Variants in MACROD2 observed in about 807,000 individuals in gnomAD.
MACROD2 encodes the protein mono-ADP ribosylhydrolase 2, also known as ADP-ribose glycohydrolase MACROD2.
In MACROD2, 36 loss-of-function variants were observed where a neutral mutation model predicts 70.4. That is an observed-to-expected ratio of 0.51 (90% CI 0.39 to 0.68). The LOEUF is 0.68. Ranked by LOEUF, MACROD2 falls within the 30% of genes least tolerant of loss-of-function variation. MACROD2 has a pLI of 0.00. For synonymous variants in MACROD2, 172 were observed against 178.8 expected (o/e 0.96, Z 0.30); for missense variants, 496 against 538.4 (o/e 0.92, Z 0.78).
intron 5 of MACROD2, among the ~76,000 whole-genome samples, chr20:15,048,028 C>G (rs1178206624): frequency 6.6e-6 from 1 of 152,110 alleles, no homozygotes; most frequent in African/African-American, 2.4e-5. Context: ...CTTTAAGAAG[C>G]CGAGGCAGGC....
chr20:14,147,204 A>G (rs2054953865), intron 3 of MACROD2, among the ~76,000 whole-genome samples: 1 of 152,162 alleles, frequency 6.6e-6, no homozygotes, highest in Non-Finnish European at 1.5e-5. Flanking sequence ...AGATGAGCAA[A>G]CTGAAGTTCA....
chr20:14,878,872 G>A (rs1300975448), intron 5 of MACROD2, among the ~76,000 whole-genome samples: 3 of 152,016 alleles, frequency 2.0e-5, no homozygotes, highest in Admixed American at 2.0e-4. Context: ...TGTTGCCCAG[G>A]CTTTCTTATC....
intron 6 of MACROD2, among the ~76,000 whole-genome samples, chr20:15,268,609 C>T (rs550558638): frequency 1.1e-4 from 17 of 152,256 alleles, no homozygotes; most frequent in Admixed American, 9.2e-4. Flanking sequence ...GCTGAGATTG[C>T]GCCACTGCAC....
chr20:15,715,226 T>C (rs1462946578), intron 8 of MACROD2, among the ~76,000 whole-genome samples: 1 of 149,884 alleles, frequency 6.7e-6, no homozygotes, highest in African/African-American at 2.4e-5. Flanking sequence ...TTTAGTGTGA[T>C]TAAAAAAAAA....
intron 3 of MACROD2, among the ~76,000 whole-genome samples, chr20:14,449,435 C>T (rs923756504): frequency 4.6e-5 from 7 of 152,022 alleles, no homozygotes; most frequent in Non-Finnish European, 7.4e-5. Flanking sequence ...TGAGTACTAT[C>T]CCATGTTAGA....
intron 3 of MACROD2, among the ~76,000 whole-genome samples, chr20:14,489,985 C>T (rs147839700): frequency 2.6e-4 from 39 of 152,004 alleles, no homozygotes; most frequent in African/African-American, 7.0e-4. Context: ...CTCAGCCTCC[C>T]GGCTCATGGT....
At chr20:15,797,101 T>A (rs141796425) in intron 8 of MACROD2, among the ~76,000 whole-genome samples, 1 of 151,982 alleles carries the variant, frequency 6.6e-6, no homozygotes, top group Non-Finnish European at 1.5e-5. Flanking sequence ...AGGGTTCTTT[T>A]TTTGTTTGTT....
chr20:14,482,357 A>G (rs766850513), intron 3 of MACROD2, among the ~76,000 whole-genome samples: 10 of 151,294 alleles, frequency 6.6e-5, no homozygotes, highest in African/African-American at 1.5e-4. Flanking sequence ...GTCTTCATAT[A>G]CTACAGTAGT....
At chr20:14,319,732 C>A (rs143960121) in intron 3 of MACROD2, among the ~76,000 whole-genome samples, 3 of 152,096 alleles carry the variant, frequency 2.0e-5, no homozygotes. Context: ...TTCCTTGACT[C>A]CATAATATTT....
chr20:14,837,858 G>A (rs1169578533), intron 5 of MACROD2, among the ~76,000 whole-genome samples: 1 of 151,602 alleles, frequency 6.6e-6, no homozygotes, highest in Non-Finnish European at 1.5e-5. Context: ...AGGCTCCACA[G>A]GGTGGGGTTA....
At chr20:14,699,564 T>C (rs1019492643) in intron 5 of MACROD2, among the ~76,000 whole-genome samples, 32 of 152,282 alleles carry the variant, frequency 2.1e-4, no homozygotes, top group Non-Finnish European at 2.9e-4. Context: ...GGAAATAGCA[T>C]GATAGTCAGG....
intron 5 of MACROD2, among the ~76,000 whole-genome samples, chr20:15,104,216 G>GA (rs2075894352): frequency 6.6e-6 from 1 of 152,122 alleles, no homozygotes; most frequent in African/African-American, 2.4e-5. Flanking sequence ...CCTAGACAGG[G>GA]ACGCCACTGT....
intron 8 of MACROD2, among the ~76,000 whole-genome samples, chr20:15,814,276 C>G (rs1258093390): frequency 6.6e-6 from 1 of 152,154 alleles, no homozygotes; most frequent in African/African-American, 2.4e-5. Flanking sequence ...GGAAACCTTC[C>G]TGGTCAGCAG....
At chr20:15,800,769 T>C (rs1223121085) in intron 8 of MACROD2, among the ~76,000 whole-genome samples, 3 of 151,972 alleles carry the variant, frequency 2.0e-5, no homozygotes, top group East Asian at 1.9e-4. Flanking sequence ...GGGGAAAAGA[T>C]TGAGAAATCG....
At chr20:15,437,868 A>G (rs2046446744) in intron 7 of MACROD2, among the ~76,000 whole-genome samples, 1 of 152,090 alleles carries the variant, frequency 6.6e-6, no homozygotes, top group Non-Finnish European at 1.5e-5. Flanking sequence ...TCCATGGTGT[A>G]TATGTACCAC....
At chr20:14,822,061 A>T (rs528145586) in intron 5 of MACROD2, among the ~76,000 whole-genome samples, 1 of 152,120 alleles carries the variant, frequency 6.6e-6, no homozygotes, top group Non-Finnish European at 1.5e-5. Flanking sequence ...CAAAATGGTA[A>T]GAACAAGATA....
intron 8 of MACROD2, among the ~76,000 whole-genome samples, chr20:15,624,527 A>G (rs1390698161): frequency 6.6e-6 from 1 of 152,204 alleles, no homozygotes; most frequent in East Asian, 1.9e-4. Flanking sequence ...TATATATTAT[A>G]TTATGTGCAG....
chr20:15,338,880 CT>C (rs2078077469), intron 6 of MACROD2, among the ~76,000 whole-genome samples: 1 of 151,542 alleles, frequency 6.6e-6, no homozygotes, highest in South Asian at 2.1e-4. Context: ...ACAATGTTAA[CT>C]TTTCAGTTTA....
intron 5 of MACROD2, among the ~76,000 whole-genome samples, chr20:14,737,293 T>A (rs910243841): frequency 1.3e-5 from 2 of 152,188 alleles, no homozygotes; most frequent in East Asian, 3.8e-4. Context: ...TCATCCTTTT[T>A]TGTGGCTGCA....
Sources: allele counts gnomAD v4.1 joint callset (sites outside exome capture counted in the v4.1 genomes callset), GRCh38; gene constraint gnomAD v4.1.1; transcripts MANE v1.5; gene names NCBI Gene and HGNC (gene_info 2026-07-23, HGNC 2026-07-21).